Variants in ZNF320 observed in about 807,000 individuals in gnomAD.
The protein encoded by ZNF320 is zinc finger gene 320.
ZNF320 carries 2 observed loss-of-function variants against 6.8 expected under a neutral mutation model. The observed-to-expected ratio is 0.29, with a 90% CI of 0.12 to 0.93. ZNF320 has a LOEUF of 0.93. Among genes scored for constraint, ZNF320 ranks in the 40% least tolerant of loss-of-function variants. The pLI is 0.55. For synonymous variants in ZNF320, 208 were observed against 203.2 expected (o/e 1.02, Z -0.20); for missense variants, 472 against 611.0 (o/e 0.77, Z 2.40).
intron 5 of ZNF320, among the ~76,000 whole-genome samples, chr19:52,869,733 A>G (rs1431649782): frequency 6.6e-6 from 1 of 151,500 alleles, no homozygotes; most frequent in Non-Finnish European, 1.5e-5. Context: ...ATGTATTTAT[A>G]GAGACAGAGT....
chr19:52,898,230 C>T (rs2147912963), upstream of ZNF320, among the ~76,000 whole-genome samples: 1 of 152,308 alleles, frequency 6.6e-6, no homozygotes, highest in South Asian at 2.1e-4. Context: ...TGGGAGAATC[C>T]ACCCTGTGCT....
At chr19:52,885,179 G>T (rs1030154412) in intron 5 of ZNF320, among the ~76,000 whole-genome samples, 1 of 152,110 alleles carries the variant, frequency 6.6e-6, no homozygotes, top group African/African-American at 2.4e-5. Flanking sequence ...TTTAGCCTGG[G>T]TGAGAGACTG....
chr19:52,901,139 C>T (rs1007679149), upstream of ZNF320, among the ~76,000 whole-genome samples: 7 of 152,072 alleles, frequency 4.6e-5, no homozygotes, highest in Admixed American at 2.0e-4. Context: ...TTATAACACA[C>T]ATCAGGTTGG....
At chr19:52,869,015 T>G (rs1367733484) in intron 5 of ZNF320, among the ~76,000 whole-genome samples, 2 of 152,016 alleles carry the variant, frequency 1.3e-5, no homozygotes, top group Non-Finnish European at 2.9e-5. Context: ...TCCAGATCAA[T>G]GTATCATGTG....
chr19:52,893,675 GCA>G (rs1366464537), intron 2 of ZNF320, 102 bp downstream of exon 2: 1 of 152,136 alleles, frequency 6.6e-6, no homozygotes, highest in Non-Finnish European at 1.5e-5. Context: ...ATCCATTAAT[GCA>G]CTTCTGCACA....
chr19:52,899,581 G>C (rs1037006507), upstream of ZNF320, among the ~76,000 whole-genome samples: 2 of 152,128 alleles, frequency 1.3e-5, no homozygotes, highest in Non-Finnish European at 2.9e-5. Flanking sequence ...TCCTGCCTCA[G>C]CCTCCCTAGT....
the ZNF320 span, among the ~76,000 whole-genome samples, chr19:52,904,196 G>A: frequency 3.3e-5 from 5 of 152,240 alleles, no homozygotes; most frequent in African/African-American, 7.2e-5. Context: ...GCTATGCACC[G>A]CTCTGGCGAG....
At chr19:52,898,877 C>CCTGGG (rs59622413), upstream of ZNF320, among the ~76,000 whole-genome samples, 2,808 of 152,276 alleles carry the variant, frequency 0.018, 91 homozygotes, top group African/African-American at 0.064. Context: ...GCCAGGCAGG[C>CCTGGG]CCAGGCCTGG....
Position 52,887,962 on chromosome 19 carries a change from A to G in ZNF320, c.142+165T>C, listed in dbSNP as rs551328693. ...CATGAAGAACGCAGAACATCTAAAC[A>G]AAGGGGACAGTGAAAGTCCAGATGC... On this transcript the variant is annotated intron_variant, in intron 5 of 5. Transcript: ENST00000682928. Among the ~76,000 whole-genome samples, 10 of 149,864 alleles carry G rather than the reference A, an allele frequency of 6.7e-5. No individual in the cohort carries two copies. The South Asian group carries it at 2.1e-3, about 32-fold the overall frequency.
intron 5 of ZNF320, among the ~76,000 whole-genome samples, chr19:52,865,784 TATG>T (rs1351660429): frequency 1.6e-5 from 2 of 125,314 alleles, no homozygotes; most frequent in African/African-American, 3.2e-5. Context: ...TATTTATATA[TATG>T]ATTATACACA....
At chr19:52,871,788 C>A (rs2063685313), downstream of ZNF320, among the ~76,000 whole-genome samples, 1 of 152,194 alleles carries the variant, frequency 6.6e-6, no homozygotes, top group South Asian at 2.1e-4. Context: ...TTCTCATGAA[C>A]ACATGGGCTC....
chr19:52,896,866 C>G (rs1411615888), intron 1 of ZNF320, among the ~76,000 whole-genome samples: 6 of 152,232 alleles, frequency 3.9e-5, no homozygotes, highest in Admixed American at 3.9e-4. Flanking sequence ...CCCTACCGCC[C>G]TCCTCCTTCC....
chr19:52,877,365 C>T lies in ZNF320; in HGVS notation c.*3231G>A, dbSNP rs934835535. 6.6e-6 allele frequency: 1 copy of T among 152,204 alleles called. No homozygotes were observed. Among genetic ancestry groups the T allele is most frequent in the Non-Finnish European group, 1.5e-5 (1 of 68,050 alleles). The allele number at this position is 152,204 out of a possible 1,614,324, so 9.4% of individuals were successfully genotyped here. A position where few individuals can be genotyped will look rare whatever the true frequency, so the allele number is the denominator to read the frequency against. ...AGATAACAAATAACATTCTTTGAATCTTTGATCAGCCTTTCACTAAATACA... is the reference window on the plus strand; with the variant it reads ...AGATAACAAATAACATTCTTTGAATTTTTGATCAGCCTTTCACTAAATACA... On this transcript the variant is annotated 3_prime_UTR_variant, in exon 6 of 6. Transcript: ENST00000682928.
At chr19:52,898,892 G>A (rs755687206), upstream of ZNF320, among the ~76,000 whole-genome samples, 8 of 152,200 alleles carry the variant, frequency 5.3e-5, no homozygotes, top group African/African-American at 9.7e-5. Flanking sequence ...GCCTGGTTTC[G>A]GGCCTGGCCC....
chr19:52,897,859 T>G (rs1229706589), upstream of ZNF320, among the ~76,000 whole-genome samples: 1 of 152,028 alleles, frequency 6.6e-6, no homozygotes, highest in Non-Finnish European at 1.5e-5. Flanking sequence ...TCCTGGGCTA[T>G]GAGGGGTCGG....
At chr19:52,883,660 T>C (rs977986988) in intron 5 of ZNF320, 1 of 453,686 alleles carries the variant, frequency 2.2e-6, no homozygotes, top group South Asian at 1.6e-5. Context: ...AGCATTTTGG[T>C]AGGCTGAGTC....
intron 2 of ZNF320, 43 bp from the exon 3 acceptor site, chr19:52,891,389 GAGATAA>G (rs2064286171): frequency 6.6e-6 from 1 of 151,232 alleles, no homozygotes; most frequent in Non-Finnish European, 1.5e-5. Context: ...TGATGTGATA[GAGATAA>G]TAAAACCTGA....
Position 52,880,180 on chromosome 19 carries a change from C to CAA in ZNF320, c.*415_*416insTT, listed in dbSNP as rs1568709987. 6.4e-6 allele frequency: 1 copy of CAA among 156,594 alleles called. No homozygotes were observed. The highest frequency in any genetic ancestry group is 2.4e-5 in the African/African-American group (1 of 41,434). 9.7% of individuals were successfully genotyped at this position (156,594 alleles called of 1,614,324 possible). A position where few individuals can be genotyped will look rare whatever the true frequency, so the allele number is the denominator to read the frequency against. On this transcript the variant is annotated 3_prime_UTR_variant, in exon 6 of 6. Transcript: ENST00000682928. Reference sequence around the variant, plus strand: ...TAGCTAACACGGTGAAACCCAGTCTCTACTAAAAATACAAAAAATTACCCG... The same window carrying CAA: ...TAGCTAACACGGTGAAACCCAGTCTCAATACTAAAAATACAAAAAATTACCCG...
chr19:52,869,691 C>A (rs569010477), intron 5 of ZNF320, among the ~76,000 whole-genome samples: 2 of 151,778 alleles, frequency 1.3e-5, no homozygotes, highest in Non-Finnish European at 2.9e-5. Flanking sequence ...TGCCTGCCAC[C>A]GGGCCTGGCT....
Sources: gnomAD v4.1 joint callset for allele counts (sites outside exome capture counted in the v4.1 genomes callset) on GRCh38, gnomAD v4.1.1 for gene constraint, MANE v1.5 for transcripts, NCBI Gene and HGNC (gene_info 2026-07-23, HGNC 2026-07-21) for gene names.